Variants in KCND2 observed in about 807,000 individuals in gnomAD.
The protein encoded by KCND2 is potassium voltage-gated channel subfamily D member 2.
Under a neutral mutation model 54.4 loss-of-function variants are expected in KCND2, and 16 were observed. That is an observed-to-expected ratio of 0.29 (90% confidence interval 0.20 to 0.45). The LOEUF (loss-of-function observed/expected upper bound fraction) is 0.45. KCND2 is among the 20% of genes least tolerant of loss of function. The pLI is 1.00. For synonymous variants in KCND2, 317 were observed against 310.7 expected (o/e 1.02, Z -0.21); for missense variants, 486 against 824.2 (o/e 0.59, Z 5.02).
At chr7:120,655,195 T>A (rs928982781) in intron 1 of KCND2, among the ~76,000 whole-genome samples, 1 of 152,050 alleles carries the variant, frequency 6.6e-6, no homozygotes, top group African/African-American at 2.4e-5. Flanking sequence ...TTTAATTTAC[T>A]TTTTCCCCCA....
chr7:120,486,908 T>A (rs1802702831), intron 1 of KCND2, among the ~76,000 whole-genome samples: 1 of 151,886 alleles, frequency 6.6e-6, no homozygotes, highest in South Asian at 2.1e-4. Context: ...TTTAAATGAA[T>A]TGAACTATTA....
chr7:120,346,522 T>C (rs1800319258), intron 1 of KCND2, among the ~76,000 whole-genome samples: 3 of 152,306 alleles, frequency 2.0e-5, no homozygotes, highest in Non-Finnish European at 4.4e-5. Context: ...AGGACAGATT[T>C]TGGTGCTTCT....
At chr7:120,646,769 G>T (rs139050189) in intron 1 of KCND2, among the ~76,000 whole-genome samples, 1 of 152,168 alleles carries the variant, frequency 6.6e-6, no homozygotes, top group Non-Finnish European at 1.5e-5. Context: ...GCAAAGATTC[G>T]GTACTGAATT....
intron 3 of KCND2, chr7:120,742,174 A>T (rs77595101): frequency 0.025 from 7,764 of 310,818 alleles, 195 homozygotes; most frequent in African/African-American, 0.075. Flanking sequence ...CGTGCACATG[A>T]TCGTGGTTTC....
At chr7:120,293,292 C>T (rs773964249) in intron 1 of KCND2, among the ~76,000 whole-genome samples, 1 of 151,924 alleles carries the variant, frequency 6.6e-6, no homozygotes, top group Non-Finnish European at 1.5e-5. Flanking sequence ...ATAAAGGAAA[C>T]TTCATGAGTG....
Position 120,473,284 on chromosome 7 carries a change from C to A in KCND2, c.1115+197537C>A, listed in dbSNP as rs141515993. Among the ~76,000 whole-genome samples, 17 of 152,256 alleles carry A rather than the reference C, an allele frequency of 1.1e-4. No individual in the cohort carries two copies. In the East Asian group the frequency reaches 1.7e-3, roughly 16 times the overall value. ...CCCTAACCTAGAATAAGATTCAGAG[C>A]AGTACTGGCTTTAACCACAGCGCTC... On this transcript the variant is annotated intron_variant, in intron 1 of 5. Coordinates refer to ENST00000331113, the MANE Select transcript of KCND2 (RefSeq NM_012281.3).
At chr7:120,342,525 C>T (rs1436972509) in intron 1 of KCND2, among the ~76,000 whole-genome samples, 1 of 152,156 alleles carries the variant, frequency 6.6e-6, no homozygotes, top group Non-Finnish European at 1.5e-5. Context: ...TTTTTGGACT[C>T]TCAAAGATTT....
chr7:120,740,829 A>G (rs867348803), intron 2 of KCND2: 7 of 456,170 alleles, frequency 1.5e-5, no homozygotes, highest in Middle Eastern at 3.3e-4. Flanking sequence ...CAAGAGTGAA[A>G]TACAAATCAG....
intron 1 of KCND2, among the ~76,000 whole-genome samples, chr7:120,459,512 T>C (rs1040323207): frequency 1.3e-5 from 2 of 152,200 alleles, no homozygotes; most frequent in Admixed American, 1.3e-4. Flanking sequence ...TTCTAGTCTT[T>C]TATATCATTT....
At chr7:120,483,798 G>T (rs1802649170) in intron 1 of KCND2, among the ~76,000 whole-genome samples, 1 of 152,180 alleles carries the variant, frequency 6.6e-6, no homozygotes. Context: ...GACTGATTGT[G>T]TTAGAGTGGT....
At chr7:120,392,168 G>C (rs985267442) in intron 1 of KCND2, among the ~76,000 whole-genome samples, 10 of 151,996 alleles carry the variant, frequency 6.6e-5, no homozygotes, top group Non-Finnish European at 1.5e-4. Flanking sequence ...TTAATGAATA[G>C]GAGATCTTTT....
chr7:120,339,586 A>G (rs2116363223), intron 1 of KCND2, among the ~76,000 whole-genome samples: 1 of 151,916 alleles, frequency 6.6e-6, no homozygotes, highest in South Asian at 2.1e-4. Context: ...GAGCAAGCTT[A>G]TGCTTCACTA....
At chr7:120,276,869 G>T (rs564728677) in intron 1 of KCND2, among the ~76,000 whole-genome samples, 11 of 152,216 alleles carry the variant, frequency 7.2e-5, no homozygotes, top group African/African-American at 2.4e-4. Context: ...GGGGAGTGAT[G>T]TGAGTGCCTT....
chr7:120,472,291 G>A (rs1246971112), intron 1 of KCND2, among the ~76,000 whole-genome samples: 1 of 151,848 alleles, frequency 6.6e-6, no homozygotes, highest in South Asian at 2.1e-4. Flanking sequence ...TAGCAGTGGG[G>A]CAGGGCAGGA....
chr7:120,727,368 T>G (rs1792746611), intron 1 of KCND2, among the ~76,000 whole-genome samples: 1 of 152,156 alleles, frequency 6.6e-6, no homozygotes, highest in African/African-American at 2.4e-5. Flanking sequence ...ATTATGCATA[T>G]TTTCAACCTA....
chr7:120,523,876 G>A (rs1791734972), intron 1 of KCND2, among the ~76,000 whole-genome samples: 1 of 151,216 alleles, frequency 6.6e-6, no homozygotes. Context: ...GAATGTTCAA[G>A]AAAAAAATTG....
At chr7:120,745,687 T>C (rs1348967603) in intron 4 of KCND2, 93 bp from the exon 5 acceptor site, 1 of 1,329,404 alleles carries the variant, frequency 7.5e-7, no homozygotes, top group African/African-American at 1.4e-5. Flanking sequence ...CTAACTATAC[T>C]TGGGCAGATT....
At chr7:120,337,587 C>T (rs971529981) in intron 1 of KCND2, among the ~76,000 whole-genome samples, 2 of 152,066 alleles carry the variant, frequency 1.3e-5, no homozygotes, top group Admixed American at 1.3e-4. Flanking sequence ...AATTCTCTTC[C>T]CATTCTAAAG....
At chr7:120,375,538 C>T (rs1433685671) in intron 1 of KCND2, among the ~76,000 whole-genome samples, 2 of 151,794 alleles carry the variant, frequency 1.3e-5, no homozygotes, top group Non-Finnish European at 2.9e-5. Context: ...GAGTTTATAT[C>T]AAGGCTTGAT....
Sources: allele counts gnomAD v4.1 joint callset (sites outside exome capture counted in the v4.1 genomes callset), GRCh38; gene constraint gnomAD v4.1.1; transcripts MANE v1.5; gene names NCBI Gene and HGNC (gene_info 2026-07-23, HGNC 2026-07-21).